Variants in DYNC2H1 observed in about 807,000 individuals in gnomAD.
DYNC2H1 encodes the protein cytoplasmic dynein 2 heavy chain 1.
A neutral mutation model predicts 570.0 loss-of-function variants in DYNC2H1; 410 were observed. That is an observed-to-expected ratio of 0.72 (90% CI 0.66 to 0.78). The LOEUF (loss-of-function observed/expected upper bound fraction) is 0.78, where lower values mean the gene tolerates loss of function less well. Ranked by LOEUF, DYNC2H1 falls within the 30% of genes least tolerant of loss-of-function variation. The pLI is 0.00. For synonymous variants in DYNC2H1, 1,688 were observed against 1,677.6 expected (o/e 1.01, Z -0.15); for missense variants, 4,865 against 5,046.4 (o/e 0.96, Z 1.09).
At chr11:103,306,140 T>C (rs964156406) in intron 77 of DYNC2H1, among the ~76,000 whole-genome samples, 2 of 152,198 alleles carry the variant, frequency 1.3e-5, no homozygotes, top group Non-Finnish European at 2.9e-5. Context: ...CTCGAACTCC[T>C]GGCCTCAAGT....
At chr11:103,122,775 A>AT (rs769277977) in intron 10 of DYNC2H1, 50 bp from the exon 11 acceptor site, 10 of 1,539,078 alleles carry the variant, frequency 6.5e-6, no homozygotes, top group South Asian at 1.2e-5. Flanking sequence ...CTTTATGCTA[A>AT]TTTTTTTGGA....
intron 70 of DYNC2H1, among the ~76,000 whole-genome samples, chr11:103,263,492 G>A (rs528671299): frequency 1.6e-4 from 24 of 152,062 alleles, no homozygotes; most frequent in African/African-American, 5.1e-4. Context: ...GGAAAAGAAC[G>A]GAAATCATAA....
intron 83 of DYNC2H1, among the ~76,000 whole-genome samples, chr11:103,372,316 G>A (rs893237853): frequency 6.6e-6 from 1 of 152,112 alleles, no homozygotes; most frequent in African/African-American, 2.4e-5. Flanking sequence ...TCCGCGCCCA[G>A]CCTTTATCTC....
chr11:103,396,100 T>C (rs751675927), intron 83 of DYNC2H1, among the ~76,000 whole-genome samples: 5 of 152,186 alleles, frequency 3.3e-5, no homozygotes, highest in South Asian at 4.1e-4. Flanking sequence ...AAAAAATACC[T>C]TTGTCCATTT....
chr11:103,390,958 T>A (rs1000387712), intron 83 of DYNC2H1, among the ~76,000 whole-genome samples: 2 of 152,160 alleles, frequency 1.3e-5, no homozygotes, highest in African/African-American at 4.8e-5. Flanking sequence ...CTTTGGTGAA[T>A]CTGACAATTA....
chr11:103,152,561 G>A (rs1860616056), intron 21 of DYNC2H1, among the ~76,000 whole-genome samples: 1 of 151,868 alleles, frequency 6.6e-6, no homozygotes, highest in Non-Finnish European at 1.5e-5. Flanking sequence ...ACTATGTATG[G>A]CTTATTGCTG....
At chr11:103,462,452 C>G (rs1027799597) in intron 87 of DYNC2H1, among the ~76,000 whole-genome samples, 5 of 152,130 alleles carry the variant, frequency 3.3e-5, no homozygotes, top group African/African-American at 1.2e-4. Context: ...GTGACAGCCT[C>G]ATTCCTCATG....
In DYNC2H1 at chr11:103,230,773, G is replaced by A. The variant is rs187709915; in HGVS notation, c.9354-487G>A. On this transcript the variant is annotated intron_variant, in intron 59 of 88. Coordinates refer to ENST00000375735, the MANE Select transcript of DYNC2H1 (RefSeq NM_001377.3). ...GAACTTTGAGGGTGCAGGATGCTGA[G>A]GTGGGAAGATTGCTTAAGCCTAGGA... 7.2e-5 allele frequency among the ~76,000 whole-genome samples: 11 copies of A among 152,178 alleles called. No individual in the cohort carries two copies. In the East Asian group the frequency reaches 2.1e-3, roughly 29 times the overall value.
chr11:103,288,707 A>AAAAAAAAAAAAAAAAAAAAAAAAAAAG (rs1866458054), intron 75 of DYNC2H1, among the ~76,000 whole-genome samples: 1 of 147,558 alleles, frequency 6.8e-6, no homozygotes, highest in Non-Finnish European at 1.5e-5. Flanking sequence ...AAAAAAAAAA[A>AAAAAAAAAAAAAAAAAAAAAAAAAAAG]AAAGAAAAGA....
chr11:103,283,095 T>TA lies in DYNC2H1; in HGVS notation c.10890+10_10890+11insA, dbSNP rs1866208609. On this transcript the variant is annotated intron_variant, in intron 73 of 88. Coordinates refer to ENST00000375735, the MANE Select transcript of DYNC2H1 (RefSeq NM_001377.3). ...CGTGGCAACATTAAAGGTATTCCTT[T>TA]TCTACTATGAGACATGTTTTAATTT... 1 of 1,594,420 alleles carries TA rather than the reference T, an allele frequency of 6.3e-7. No individual in the cohort carries two copies. The highest frequency in any genetic ancestry group is 1.3e-5 in the African/African-American group (1 of 74,582).
In DYNC2H1 at chr11:103,189,651, C is replaced by T; in HGVS notation, c.7293-21C>T. Reference sequence around the variant, plus strand: ...AATACTGATTTATTTCAGCTTTCTTCTTATATGCCATTTTTTTTAGTTACC... The same window carrying T: ...AATACTGATTTATTTCAGCTTTCTTTTTATATGCCATTTTTTTTAGTTACC... On this transcript the variant is annotated intron_variant, in intron 44 of 88. Transcript: ENST00000375735. The surrounding 1 kb of genome is among the most constrained non-coding windows in gnomAD (Gnocchi z 4.3). 1 of 1,607,584 alleles carries T rather than the reference C, an allele frequency of 6.2e-7. No homozygotes were observed. The highest frequency in any genetic ancestry group is 8.5e-7 in the Non-Finnish European group (1 of 1,176,924).
chr11:103,131,153 T>C (rs1348519862), intron 13 of DYNC2H1, among the ~76,000 whole-genome samples: 1 of 152,206 alleles, frequency 6.6e-6, no homozygotes, highest in Non-Finnish European at 1.5e-5. Context: ...TACTTCCATA[T>C]ATTAGTCTTA....
rs1319189727 is a variant in DYNC2H1 at position 103,176,232 on chromosome 11, T to C, written c.5675-3T>C. 1 of 1,470,122 alleles carries C rather than the reference T, an allele frequency of 6.8e-7. No homozygotes were observed. The highest frequency in any genetic ancestry group is 1.5e-5 in the African/African-American group (1 of 68,182). 91.1% of individuals were successfully genotyped at this position (1,470,122 alleles called of 1,614,324 possible). ...ATAATTTTAAAATGAAACTTTTTTC[T>C]AGCTAATGAAAGTCATATTGTGGTA... On this transcript the variant is annotated splice_polypyrimidine_tract_variant and splice_region_variant and intron_variant, in intron 36 of 88. Coordinates refer to ENST00000375735, the MANE Select transcript of DYNC2H1 (RefSeq NM_001377.3).
chr11:103,360,235 T>C (rs1448105216), intron 83 of DYNC2H1, among the ~76,000 whole-genome samples: 2 of 152,140 alleles, frequency 1.3e-5, no homozygotes, highest in Non-Finnish European at 2.9e-5. Context: ...TGAATGCTAA[T>C]TAATTAATAA....
At chr11:103,449,029 G>A (rs1200691579) in intron 85 of DYNC2H1, among the ~76,000 whole-genome samples, 2 of 152,114 alleles carry the variant, frequency 1.3e-5, no homozygotes, top group African/African-American at 4.8e-5. Context: ...TAGGAAAGAC[G>A]TTTCTGATAT....
intron 40 of DYNC2H1, among the ~76,000 whole-genome samples, 164 bp downstream of exon 40, chr11:103,182,050 T>C (rs918666877): frequency 5.3e-5 from 8 of 151,670 alleles, no homozygotes; most frequent in Non-Finnish European, 1.5e-5. Context: ...ATAACTGTTA[T>C]ATCTCTTATC....
At position 103,451,874 on chromosome 11, in the gene DYNC2H1, T is replaced by C. The variant is rs1944617525; in HGVS notation, c.12457-3312T>C. Among the ~76,000 whole-genome samples, 5 of 152,216 alleles carry C rather than the reference T, an allele frequency of 3.3e-5. No individual in the cohort carries two copies. The South Asian group carries it at 1.0e-3, about 32-fold the overall frequency. ...CCACTTTGTTAATGTTATTAACTCA[T>C]TTTCATATTTGTGGTAAATGTGTTT... On this transcript the variant is annotated intron_variant, in intron 85 of 88. Coordinates refer to ENST00000375735, the MANE Select transcript of DYNC2H1 (RefSeq NM_001377.3).
intron 48 of DYNC2H1, among the ~76,000 whole-genome samples, chr11:103,198,650 CT>C (rs1555066955): frequency 6.6e-6 from 1 of 152,104 alleles, no homozygotes; most frequent in Non-Finnish European, 1.5e-5. Context: ...TTTTCATGGT[CT>C]GGTAAACTGA....
chr11:103,391,287 A>T (rs1315759656), intron 83 of DYNC2H1, among the ~76,000 whole-genome samples: 2 of 152,150 alleles, frequency 1.3e-5, no homozygotes, highest in Admixed American at 1.3e-4. Context: ...AGTTGATTGA[A>T]TTGGCTACTG....
Sources: gnomAD v4.1 joint callset for allele counts (sites outside exome capture counted in the v4.1 genomes callset) on GRCh38, gnomAD v4.1.1 for gene constraint, Gnocchi (gnomAD v3.1) non-coding constraint, MANE v1.5 for transcripts, NCBI Gene and HGNC (gene_info 2026-07-23, HGNC 2026-07-21) for gene names.